ACYP2: variants seen among roughly 807,000 people sequenced by gnomAD.
ACYP2 encodes the protein acylphosphatase 2, also known as acylphosphatase-2.
Under a neutral mutation model 11.2 loss-of-function variants are expected in ACYP2, and 12 were observed. The observed-to-expected ratio is 1.08, with a 90% CI of 0.69 to 1.74. The LOEUF (loss-of-function observed/expected upper bound fraction) is 1.74, where lower values mean the gene tolerates loss of function less well. Among genes scored for constraint, ACYP2 ranks in the 40% most tolerant of loss-of-function variants. The pLI is 0.00. For missense variants in ACYP2, 134 were observed against 101.9 expected (o/e 1.31, Z -1.35); for synonymous variants, 43 against 32.2 (o/e 1.33, Z -1.13).
At chr2:54,088,028 G>T (rs1286610959) in intron 4 of ACYP2, among the ~76,000 whole-genome samples, 1 of 152,174 alleles carries the variant, frequency 6.6e-6, no homozygotes, top group Admixed American at 6.5e-5. Flanking sequence ...ACCAAGTAAG[G>T]GGTACTTCCA....
chr2:54,107,841 A>T (rs775566219), intron 4 of ACYP2, among the ~76,000 whole-genome samples: 1 of 152,206 alleles, frequency 6.6e-6, no homozygotes, highest in Non-Finnish European at 1.5e-5. Context: ...ATGGACTTTT[A>T]CTGCAGAACT....
At chr2:54,011,007 A>T (rs1349096798) in intron 2 of ACYP2, among the ~76,000 whole-genome samples, 1 of 151,172 alleles carries the variant, frequency 6.6e-6, no homozygotes, top group Non-Finnish European at 1.5e-5. Context: ...TCCTTTATTC[A>T]CTTAAGAGAA....
intron 6 of ACYP2, among the ~76,000 whole-genome samples, chr2:54,198,209 T>C (rs1362780752): frequency 2.6e-5 from 4 of 152,016 alleles, no homozygotes; most frequent in African/African-American, 9.7e-5. Context: ...ACAGCATGGT[T>C]TCACCATGTT....
intron 2 of ACYP2, among the ~76,000 whole-genome samples, chr2:54,004,254 T>C (rs1412168606): frequency 6.6e-6 from 1 of 152,138 alleles, no homozygotes; most frequent in African/African-American, 2.4e-5. Context: ...CCCAAAGTGC[T>C]GGGATTACAG....
chr2:54,023,541 C>T (rs1019231143), intron 2 of ACYP2, among the ~76,000 whole-genome samples: 5 of 152,260 alleles, frequency 3.3e-5, no homozygotes, highest in South Asian at 2.1e-4. Flanking sequence ...CAGTCTTTTA[C>T]ATTTTAACCA....
At chr2:54,024,367 C>T (rs115128780) in intron 2 of ACYP2, among the ~76,000 whole-genome samples, 147 of 152,126 alleles carry the variant, frequency 9.7e-4, no homozygotes, top group African/African-American at 3.5e-3. Flanking sequence ...CTCTGTCACA[C>T]ACACAAAAAA....
intron 6 of ACYP2, among the ~76,000 whole-genome samples, chr2:54,200,363 G>C (rs533346915): frequency 1.4e-4 from 22 of 152,076 alleles, no homozygotes; most frequent in Non-Finnish European, 2.4e-4. Flanking sequence ...TGAGATTATA[G>C]AGGAAATCCA....
chr2:54,183,387 A>T (rs1572901308), intron 6 of ACYP2, among the ~76,000 whole-genome samples: 2 of 152,276 alleles, frequency 1.3e-5, no homozygotes, highest in South Asian at 4.1e-4. Flanking sequence ...AGATATTCAT[A>T]TCAGGCACAT....
At chr2:54,154,429 A>G (rs369001377) in intron 6 of ACYP2, among the ~76,000 whole-genome samples, 4 of 152,166 alleles carry the variant, frequency 2.6e-5, no homozygotes, top group African/African-American at 9.7e-5. Flanking sequence ...GGCTTTTCAT[A>G]TATGGCCTTT....
intron 6 of ACYP2, among the ~76,000 whole-genome samples, chr2:54,303,936 A>G (rs891051828): frequency 1.3e-5 from 2 of 152,240 alleles, no homozygotes; most frequent in Non-Finnish European, 2.9e-5. Flanking sequence ...TGTCAGCAAT[A>G]TACAATAGGC....
chr2:53,978,152 T>G (rs1205990064), intron 2 of ACYP2, among the ~76,000 whole-genome samples: 1 of 151,712 alleles, frequency 6.6e-6, no homozygotes, highest in Non-Finnish European at 1.5e-5. Flanking sequence ...ATCCCAACTA[T>G]TTTGGAGGCT....
chr2:54,177,475 G>A (rs1194274499), intron 6 of ACYP2, among the ~76,000 whole-genome samples: 1 of 151,914 alleles, frequency 6.6e-6, no homozygotes, highest in Admixed American at 6.6e-5. Context: ...CAGCTCCCTG[G>A]TTTCTTATCC....
At chr2:54,055,504 T>C (rs993366489) in intron 3 of ACYP2, among the ~76,000 whole-genome samples, 15 of 152,364 alleles carry the variant, frequency 9.8e-5, no homozygotes, top group African/African-American at 3.4e-4. Context: ...TTGTCCAATT[T>C]CATTCCTACA....
chr2:54,002,622 G>C (rs1293538072), intron 2 of ACYP2, among the ~76,000 whole-genome samples: 1 of 149,358 alleles, frequency 6.7e-6, no homozygotes, highest in East Asian at 1.9e-4. Context: ...TAGGATTATA[G>C]GCATGAGCTA....
At chr2:54,075,788 G>C (rs1414705984) in intron 4 of ACYP2, among the ~76,000 whole-genome samples, 1 of 151,932 alleles carries the variant, frequency 6.6e-6, no homozygotes, top group Admixed American at 6.6e-5. Context: ...ACTCCAGCCT[G>C]GGCGATAGAA....
chr2:54,166,349 ACAGTCTCTGCCCT>A (rs1224661086), intron 6 of ACYP2, among the ~76,000 whole-genome samples: 1 of 152,216 alleles, frequency 6.6e-6, no homozygotes, highest in African/African-American at 2.4e-5. Flanking sequence ...GATGAGTAAT[ACAGTCTCTGCCCT>A]CAAGGACTTG....
intron 2 of ACYP2, among the ~76,000 whole-genome samples, chr2:53,976,100 G>A (rs1671471494): frequency 6.6e-6 from 1 of 152,214 alleles, no homozygotes; most frequent in African/African-American, 2.4e-5. Context: ...AACAAAAAAT[G>A]ACAGGTTATT....
chr2:54,222,335 C>T (rs843756), intron 6 of ACYP2, among the ~76,000 whole-genome samples: 1 of 151,740 alleles, frequency 6.6e-6, no homozygotes, highest in African/African-American at 2.4e-5. Context: ...GGATCACTTG[C>T]GGCCAGAAGT....
chr2:54,055,055 T>C (rs1264034939), intron 3 of ACYP2, among the ~76,000 whole-genome samples: 1 of 152,136 alleles, frequency 6.6e-6, no homozygotes, highest in Non-Finnish European at 1.5e-5. Context: ...TTTCTTTTTT[T>C]AGACAGAGTC....
Sources: allele counts gnomAD v4.1 joint callset (sites outside exome capture counted in the v4.1 genomes callset), GRCh38; gene constraint gnomAD v4.1.1; transcripts MANE v1.5; gene names NCBI Gene and HGNC (gene_info 2026-07-23, HGNC 2026-07-21).